Variants in DPP10 observed in about 807,000 individuals in gnomAD.
DPP10 encodes inactive dipeptidyl peptidase 10.
In DPP10, 33 loss-of-function variants were observed where a neutral mutation model predicts 120.9. The observed-to-expected ratio is 0.27, with a 90% confidence interval of 0.21 to 0.37. The LOEUF (loss-of-function observed/expected upper bound fraction) is 0.37. Among genes scored for constraint, DPP10 ranks in the 10% least tolerant of loss-of-function variants. DPP10 has a pLI of 1.00. For synonymous variants in DPP10, 337 were observed against 326.1 expected, an observed-to-expected ratio of 1.03 and a Z score of -0.36; for missense variants, 816 against 942.8, an observed-to-expected ratio of 0.87 and a Z score of 1.76.
At chr2:115,480,530 A>T (rs1028395962) in intron 3 of DPP10, among the ~76,000 whole-genome samples, 4 of 152,152 alleles carry the variant, frequency 2.6e-5, no homozygotes, top group African/African-American at 9.7e-5. Flanking sequence ...AGGAACAAAA[A>T]TGGTGATTTT....
At chr2:115,083,545 A>G (rs1237738262) in intron 1 of DPP10, among the ~76,000 whole-genome samples, 2 of 152,072 alleles carry the variant, frequency 1.3e-5, no homozygotes, top group African/African-American at 4.8e-5. Flanking sequence ...TTTCTCTCGC[A>G]CTGCTCTAGT....
At chr2:115,457,311 A>T (rs1351445545) in intron 3 of DPP10, among the ~76,000 whole-genome samples, 1 of 152,148 alleles carries the variant, frequency 6.6e-6, no homozygotes, top group African/African-American at 2.4e-5. Context: ...AAAACTTTTT[A>T]GAAAAAGACT....
chr2:114,454,864 G>T (rs1678477780), intron 1 of DPP10, among the ~76,000 whole-genome samples: 1 of 152,006 alleles, frequency 6.6e-6, no homozygotes, highest in African/African-American at 2.4e-5. Context: ...TCCACCGCTA[G>T]ACTGCAAGCT....
At chr2:115,743,663 T>C (rs1677581365) in intron 9 of DPP10, among the ~76,000 whole-genome samples, 1 of 140,980 alleles carries the variant, frequency 7.1e-6, no homozygotes, top group Non-Finnish European at 1.5e-5. Flanking sequence ...TTATGAGATA[T>C]TCTTATCTAC....
chr2:114,919,381 T>C (rs570083300), intron 1 of DPP10, among the ~76,000 whole-genome samples: 2 of 134,480 alleles, frequency 1.5e-5, no homozygotes, highest in African/African-American at 5.0e-5. Context: ...ACTAGTTTAA[T>C]TGACTGAAGA....
At chr2:114,581,089 A>C (rs995035408) in intron 1 of DPP10, among the ~76,000 whole-genome samples, 1 of 151,870 alleles carries the variant, frequency 6.6e-6, no homozygotes, top group South Asian at 2.1e-4. Flanking sequence ...ATTGTTTTGG[A>C]ACTATTATAT....
At chr2:114,883,112 G>A (rs1332288308) in intron 1 of DPP10, among the ~76,000 whole-genome samples, 1 of 152,180 alleles carries the variant, frequency 6.6e-6, no homozygotes, top group Non-Finnish European at 1.5e-5. Flanking sequence ...AAAGATTTGG[G>A]ATTAAGACCA....
intron 1 of DPP10, among the ~76,000 whole-genome samples, chr2:114,569,728 A>G (rs1047402835): frequency 1.1e-4 from 16 of 150,546 alleles, no homozygotes; most frequent in African/African-American, 4.0e-4. Flanking sequence ...GAAAATGGTA[A>G]AGAGTCCTGC....
chr2:114,521,071 A>G (rs997324562), intron 1 of DPP10, among the ~76,000 whole-genome samples: 1 of 152,222 alleles, frequency 6.6e-6, no homozygotes. Context: ...GTAAAGGGAC[A>G]TGGGAAACAA....
At chr2:115,458,838 T>C (rs1198458380) in intron 3 of DPP10, among the ~76,000 whole-genome samples, 2 of 152,016 alleles carry the variant, frequency 1.3e-5, no homozygotes, top group African/African-American at 4.8e-5. Context: ...ACATTACTTA[T>C]ATACGTATTT....
At chr2:114,497,083 A>ATGTACATGTACATG (rs1221915362) in intron 1 of DPP10, among the ~76,000 whole-genome samples, 14 of 149,768 alleles carry the variant, frequency 9.3e-5, no homozygotes, top group African/African-American at 3.2e-4. Context: ...ATACATATAC[A>ATGTACATGTACATG]TGTACATGTA....
chr2:114,480,358 A>T (rs560815308), intron 1 of DPP10, among the ~76,000 whole-genome samples: 1 of 152,226 alleles, frequency 6.6e-6, no homozygotes, highest in African/African-American at 2.4e-5. Flanking sequence ...GTTACTGGGT[A>T]TATACCCAAA....
At chr2:114,551,592 C>A (rs1386544820) in intron 1 of DPP10, among the ~76,000 whole-genome samples, 1 of 152,192 alleles carries the variant, frequency 6.6e-6, no homozygotes, top group Admixed American at 6.5e-5. Flanking sequence ...GAGTGATGAA[C>A]ACTGTTGCAG....
chr2:115,698,599 T>G (rs2149523816), intron 7 of DPP10, among the ~76,000 whole-genome samples: 1 of 152,296 alleles, frequency 6.6e-6, no homozygotes, highest in Admixed American at 6.5e-5. Context: ...GTCACTCTCT[T>G]TCACTCTTGC....
chr2:115,131,559 T>C (rs1034229410), intron 1 of DPP10, among the ~76,000 whole-genome samples: 1 of 151,862 alleles, frequency 6.6e-6, no homozygotes, highest in Non-Finnish European at 1.5e-5. Flanking sequence ...AGCAAAAATA[T>C]AGCAAAAAAA....
intron 1 of DPP10, among the ~76,000 whole-genome samples, chr2:115,222,569 C>G (rs1294641896): frequency 2.6e-5 from 4 of 152,212 alleles, no homozygotes; most frequent in African/African-American, 9.6e-5. Flanking sequence ...TCCCCAGCCA[C>G]ATGAAAGTGT....
intron 1 of DPP10, among the ~76,000 whole-genome samples, chr2:114,665,745 T>C (rs972997642): frequency 3.3e-5 from 5 of 152,066 alleles, no homozygotes; most frequent in African/African-American, 9.7e-5. Flanking sequence ...GTGTTGTCCA[T>C]GGGAAGAAAA....
rs139820605 is a variant in DPP10 at position 115,722,944 on chromosome 2, A to T, written c.577-4872A>T. 1.1e-4 allele frequency among the ~76,000 whole-genome samples: 17 copies of T among 152,284 alleles called. 1 individual carries two copies. The East Asian group carries it at 3.3e-3, about 29-fold the overall frequency. The stretch of plus-strand genomic sequence containing the variant: ...GAACCTGTAAACACATGTTGCCGTT[A>T]TCAAGGCAGGACCCCGGGCTTACAC... On this transcript the variant is annotated intron_variant, in intron 7 of 25. Coordinates refer to ENST00000410059, the MANE Select transcript of DPP10 (RefSeq NM_020868.6).
intron 1 of DPP10, among the ~76,000 whole-genome samples, chr2:114,619,520 T>C (rs913402235): frequency 6.6e-6 from 1 of 151,760 alleles, no homozygotes; most frequent in Non-Finnish European, 1.5e-5. Context: ...GCATCAAAAA[T>C]AAGAATTCTA....
Sources: allele counts gnomAD v4.1 joint callset (sites outside exome capture counted in the v4.1 genomes callset), GRCh38; gene constraint gnomAD v4.1.1; transcripts MANE v1.5; gene names NCBI Gene and HGNC (gene_info 2026-07-23, HGNC 2026-07-21).